The following TBL1XR1 variants were observed in gnomAD, a reference collection of about 807,000 sequenced individuals.
The protein encoded by TBL1XR1 is TBL1X/Y related 1, also known as F-box-like/WD repeat-containing protein TBL1XR1.
In TBL1XR1, 5 loss-of-function variants were observed where a neutral mutation model predicts 66.9. The ratio of observed to expected loss-of-function variants is 0.07; its 90% CI spans 0.04 to 0.16. The LOEUF (loss-of-function observed/expected upper bound fraction) is 0.16, where lower values mean the gene tolerates loss of function less well. Ranked by LOEUF, TBL1XR1 falls within the 10% of genes least tolerant of loss-of-function variation. TBL1XR1 has a pLI of 1.00. For synonymous variants in TBL1XR1, 210 were observed against 206.0 expected (o/e 1.02, Z -0.17); for missense variants, 238 against 623.2 (o/e 0.38, Z 6.58).
intron 1 of TBL1XR1, chr3:177,136,286 C>T (rs1728988103): frequency 6.6e-6 from 1 of 151,978 alleles, no homozygotes; most frequent in South Asian, 2.1e-4. Flanking sequence ...ACTGACATAC[C>T]TCTCAATTTT....
At chr3:177,192,411 A>AAAAG (rs200145038) in intron 1 of TBL1XR1, among the ~76,000 whole-genome samples, 5 of 151,712 alleles carry the variant, frequency 3.3e-5, no homozygotes, top group East Asian at 1.9e-4. Flanking sequence ...AAAAAAAAAA[A>AAAAG]AAAGAAAGAA....
At chr3:177,150,757 C>T (rs1215374769) in intron 1 of TBL1XR1, among the ~76,000 whole-genome samples, 1 of 152,156 alleles carries the variant, frequency 6.6e-6, no homozygotes, top group Non-Finnish European at 1.5e-5. Context: ...CAGGCTCTAA[C>T]AGAAAGTAAT....
At chr3:177,094,760 C>G (rs890728842) in intron 2 of TBL1XR1, among the ~76,000 whole-genome samples, 1 of 151,532 alleles carries the variant, frequency 6.6e-6, no homozygotes, top group African/African-American at 2.4e-5. Context: ...TAAGTGAGAG[C>G]GAAGCTATGA....
Position 177,148,476 on chromosome 3 carries a change from G to T in TBL1XR1, c.-122+48645C>A, listed in dbSNP as rs559576535. On this transcript the variant is annotated intron_variant, in intron 1 of 15. Coordinates refer to ENST00000457928, the MANE Select transcript of TBL1XR1 (RefSeq NM_024665.7). ...CACGCCTGTAATGCCAGCACTTTGG[G>T]AGGCTGAGGTGGGTGGATAACGAGG... is the stretch of plus-strand genomic sequence containing the variant. 2.6e-4 allele frequency among the ~76,000 whole-genome samples: 39 copies of T among 152,334 alleles called. No homozygotes were observed. The South Asian group carries it at 7.9e-3, about 31-fold the overall frequency.
At chr3:177,162,557 T>C (rs1732345899) in intron 1 of TBL1XR1, among the ~76,000 whole-genome samples, 1 of 152,326 alleles carries the variant, frequency 6.6e-6, no homozygotes, top group African/African-American at 2.4e-5. Flanking sequence ...TTCTGAGTGA[T>C]GGAAATGTTC....
intron 2 of TBL1XR1, among the ~76,000 whole-genome samples, chr3:177,082,317 C>T (rs1409961760): frequency 6.6e-6 from 1 of 151,616 alleles, no homozygotes; most frequent in Non-Finnish European, 1.5e-5. Flanking sequence ...CTTATAACAT[C>T]AAGTAATTTC....
At chr3:177,094,198 C>T (rs1178022125) in intron 2 of TBL1XR1, among the ~76,000 whole-genome samples, 1 of 151,684 alleles carries the variant, frequency 6.6e-6, no homozygotes, top group African/African-American at 2.4e-5. Context: ...AAAAGATATA[C>T]AAATGACCAA....
At chr3:177,069,799 A>AGGAAAG (rs1560138932) in intron 2 of TBL1XR1, among the ~76,000 whole-genome samples, 71 of 94,252 alleles carry the variant, frequency 7.5e-4, no homozygotes, top group Non-Finnish European at 1.4e-3. Flanking sequence ...AAGGAAAGGA[A>AGGAAAG]GGAAGGAAGG....
At chr3:177,190,443 G>A (rs958777007) in intron 1 of TBL1XR1, among the ~76,000 whole-genome samples, 27 of 152,170 alleles carry the variant, frequency 1.8e-4, no homozygotes, top group African/African-American at 6.5e-4. Flanking sequence ...AGCCTCCTGA[G>A]TAGCTAGGAT....
At chr3:177,199,342 C>T (rs1737291909), upstream of TBL1XR1, among the ~76,000 whole-genome samples, 1 of 150,246 alleles carries the variant, frequency 6.7e-6, no homozygotes, top group Admixed American at 6.7e-5. Context: ...TTTCAGAAGA[C>T]TTTATTTCAG....
intron 1 of TBL1XR1, among the ~76,000 whole-genome samples, chr3:177,191,793 G>T (rs4857824): frequency 6.6e-6 from 1 of 152,086 alleles, no homozygotes; most frequent in Non-Finnish European, 1.5e-5. Context: ...CCCAAACCTT[G>T]AAAGAGTTCC....
intron 1 of TBL1XR1, among the ~76,000 whole-genome samples, chr3:177,192,072 G>A (rs1431609687): frequency 7.4e-6 from 1 of 136,004 alleles, no homozygotes; most frequent in African/African-American, 2.8e-5. Flanking sequence ...CAGCATGGGT[G>A]ACAGAGCAAG....
At position 177,111,958 on chromosome 3, in the gene TBL1XR1, T is replaced by C. The variant is rs575831283; in HGVS notation, c.-121-13417A>G. 4.0e-5 allele frequency among the ~76,000 whole-genome samples: 6 copies of C among 151,000 alleles called. No individual in the cohort carries two copies. The East Asian group carries it at 1.2e-3, about 30-fold the overall frequency. On this transcript the variant is annotated intron_variant, in intron 1 of 15. Transcript: ENST00000457928. ...CACCAACAAGCAATGACTGGGTTTA[T>C]TGGATTGACTGCTAAGATCCTTTGA...
At chr3:177,061,443 A>G (rs1469855031) in intron 3 of TBL1XR1, among the ~76,000 whole-genome samples, 1 of 152,246 alleles carries the variant, frequency 6.6e-6, no homozygotes, top group Non-Finnish European at 1.5e-5. Flanking sequence ...TAAAAAAAGT[A>G]TTACTAAACC....
Position 177,035,869 on chromosome 3 carries a change from C to T in TBL1XR1, c.1123-1544G>A, listed in dbSNP as rs560870689. 3.3e-5 allele frequency among the ~76,000 whole-genome samples: 5 copies of T among 152,230 alleles called. No individual in the cohort carries two copies. In the South Asian group the frequency reaches 1.0e-3, roughly 32 times the overall value. On this transcript the variant is annotated intron_variant, in intron 12 of 15. Transcript: ENST00000457928. The stretch of plus-strand genomic sequence containing the variant: ...GTTCTGTAAACAGTTGCGACCATGG[C>T]CCTATCCGCTAGTGAGACTCAAATT...
intron 14 of TBL1XR1, among the ~76,000 whole-genome samples, chr3:177,031,755 G>A (rs963891577): frequency 1.3e-5 from 2 of 150,120 alleles, no homozygotes; most frequent in African/African-American, 2.4e-5. Context: ...GAAAGATCCC[G>A]TTTCTATTTA....
At chr3:177,154,358 C>T (rs146538126) in intron 1 of TBL1XR1, among the ~76,000 whole-genome samples, 91 of 151,964 alleles carry the variant, frequency 6.0e-4, no homozygotes, top group African/African-American at 2.1e-3. Flanking sequence ...ATGTGTGTAC[C>T]TAACACCTTA....
chr3:177,165,924 G>A (rs1462373954), intron 1 of TBL1XR1, among the ~76,000 whole-genome samples: 2 of 120,158 alleles, frequency 1.7e-5, no homozygotes, highest in African/African-American at 2.8e-5. Context: ...TGGCAAAAGC[G>A]TTATCTCCAC....
chr3:177,093,661 T>C (rs1036350453), intron 2 of TBL1XR1, among the ~76,000 whole-genome samples: 1 of 151,990 alleles, frequency 6.6e-6, no homozygotes, highest in South Asian at 2.1e-4. Flanking sequence ...AACCCAGAAA[T>C]AAAGCCAAAT....
Sources: gnomAD v4.1 joint callset for allele counts (sites outside exome capture counted in the v4.1 genomes callset) on GRCh38, gnomAD v4.1.1 for gene constraint, MANE v1.5 for transcripts, NCBI Gene and HGNC (gene_info 2026-07-23, HGNC 2026-07-21) for gene names.